The following GAN variants were observed in gnomAD, a reference collection of about 807,000 sequenced individuals.
GAN encodes epididymis secretory sperm binding protein.
Under a neutral mutation model 71.3 loss-of-function variants are expected in GAN, and 48 were observed. The observed-to-expected ratio is 0.67, with a 90% CI of 0.53 to 0.86. The LOEUF is 0.86. Among genes scored for constraint, GAN ranks in the 40% least tolerant of loss-of-function variants. The probability of loss-of-function intolerance (pLI) is 0.00; values close to 1 mark genes in which losing one functional copy is unlikely to be tolerated. For missense variants in GAN, 928 were observed against 770.1 expected, an observed-to-expected ratio of 1.21 and a Z score of -2.43; for synonymous variants, 386 against 276.8, an observed-to-expected ratio of 1.39 and a Z score of -3.92.
At position 81,357,007 on chromosome 16, in the gene GAN, G is replaced by A; in HGVS notation, c.851+5G>A. 1 of 1,549,282 alleles carries A rather than the reference G, an allele frequency of 6.5e-7. No homozygotes were observed. Among genetic ancestry groups the A allele is most frequent in the Non-Finnish European group, 8.9e-7 (1 of 1,122,112 alleles). Reference sequence around the variant, plus strand: ...TGTTGGTGGAGAAGAGAGAGTGTAAGTATGAGGTGGGACTTGTTTGAAAAG... The same window carrying A: ...TGTTGGTGGAGAAGAGAGAGTGTAAATATGAGGTGGGACTTGTTTGAAAAG... On this transcript the variant is annotated splice_donor_5th_base_variant and intron_variant, in intron 4 of 10. Transcript: ENST00000648994.
chr16:81,348,039 G>A (rs1329067799), intron 1 of GAN, among the ~76,000 whole-genome samples: 1 of 151,992 alleles, frequency 6.6e-6, no homozygotes, highest in African/African-American at 2.4e-5. Flanking sequence ...AAAAAATAGA[G>A]GTGGGGTGTC....
In GAN at chr16:81,390,194, AG is replaced by A. The variant is rs1490808344; in HGVS notation, c.*12600del. 3 of 152,234 alleles carry A rather than the reference AG, an allele frequency of 2.0e-5. No individual in the cohort carries two copies. The highest frequency in any genetic ancestry group is 4.4e-5 in the Non-Finnish European group (3 of 68,028). The allele number at this position is 152,234 out of a possible 1,614,324, so 9.4% of individuals were successfully genotyped here. On this transcript the variant is annotated 3_prime_UTR_variant, in exon 11 of 11. Transcript: ENST00000648994. Reference sequence around the variant, plus strand: ...AGTTCAAAATATTGGAAGTGCTAGAAGGCTGCAACTTGTAAAATTGTACTCC... The same window carrying A: ...AGTTCAAAATATTGGAAGTGCTAGAAGCTGCAACTTGTAAAATTGTACTCC...
intron 1 of GAN, among the ~76,000 whole-genome samples, chr16:81,335,746 CAAAAAA>C (rs55948723): frequency 7.7e-5 from 8 of 103,442 alleles, no homozygotes; most frequent in Admixed American, 3.3e-4. Context: ...GACTCAGTCT[CAAAAAA>C]AAAAAAAAAA....
At chr16:81,348,516 A>G (rs979822145) in intron 1 of GAN, among the ~76,000 whole-genome samples, 5 of 152,218 alleles carry the variant, frequency 3.3e-5, no homozygotes, top group African/African-American at 1.2e-4. Flanking sequence ...AATGTGCCAA[A>G]AAAACATGTT....
rs1247608201 is a variant in GAN, at chr16:81,384,956, C to T, written c.*7360C>T. The T allele has an allele frequency of 6.5e-6, 1 of 154,272 alleles. No homozygotes were observed. Among genetic ancestry groups the T allele is most frequent in the Non-Finnish European group, 1.5e-5 (1 of 68,200 alleles). 9.6% of individuals were successfully genotyped at this position (154,272 alleles called of 1,614,324 possible). ...CCCAGTTTCAGGGCACAGTTGTACA[C>T]ATTCTACTTAAATGGAGGAGTTCAG... On this transcript the variant is annotated 3_prime_UTR_variant, in exon 11 of 11. Transcript: ENST00000648994.
chr16:81,367,559 T>C (rs1489552711), intron 9 of GAN, among the ~76,000 whole-genome samples: 1 of 152,124 alleles, frequency 6.6e-6, no homozygotes, highest in Non-Finnish European at 1.5e-5. Context: ...CAAATAAAAT[T>C]AATGTATATT....
intron 1 of GAN, among the ~76,000 whole-genome samples, chr16:81,346,065 C>G (rs913503011): frequency 6.6e-6 from 1 of 152,194 alleles, no homozygotes. Flanking sequence ...TCCTGAAGCT[C>G]CTCTATCTGA....
intron 7 of GAN, 23 bp from the exon 8 acceptor site, chr16:81,364,951 C>G (rs1385888133): frequency 1.2e-6 from 2 of 1,612,758 alleles, no homozygotes; most frequent in African/African-American, 2.7e-5. Flanking sequence ...TGCCTCTCCC[C>G]CACCATTGTT....
At chr16:81,341,746 T>C (rs1909949653) in intron 1 of GAN, among the ~76,000 whole-genome samples, 1 of 152,190 alleles carries the variant, frequency 6.6e-6, no homozygotes, top group African/African-American at 2.4e-5. Context: ...AATAACCAGC[T>C]AGCATCATAG....
At chr16:81,323,061 G>A (rs1314134465) in intron 1 of GAN, among the ~76,000 whole-genome samples, 2 of 152,220 alleles carry the variant, frequency 1.3e-5, no homozygotes, top group African/African-American at 4.8e-5. Flanking sequence ...GATGGAGCTG[G>A]AGGCCAGCAG....
chr16:81,315,441 C>T (rs1909000820), intron 1 of GAN, among the ~76,000 whole-genome samples, 161 bp downstream of exon 1: 1 of 151,840 alleles, frequency 6.6e-6, no homozygotes, highest in African/African-American at 2.4e-5. Flanking sequence ...CGCCGGAACC[C>T]GGCCCCGCTG....
chr16:81,326,436 G>C (rs987801583), intron 1 of GAN, among the ~76,000 whole-genome samples: 1 of 152,194 alleles, frequency 6.6e-6, no homozygotes, highest in African/African-American at 2.4e-5. Flanking sequence ...GGGAGGCTGA[G>C]GCAGGAGAAT....
In GAN at chr16:81,356,757, C is replaced by T. The variant is rs371138540; in HGVS notation, c.634-28C>T. ...GATGTGTTGCATTTTCCATTGTTTTCGCCCCATCTTTCTTCCCTCTTCTGC... is the reference window on the plus strand; with the variant it reads ...GATGTGTTGCATTTTCCATTGTTTTTGCCCCATCTTTCTTCCCTCTTCTGC... On this transcript the variant is annotated intron_variant, in intron 3 of 10. Coordinates refer to ENST00000648994, the MANE Select transcript of GAN (RefSeq NM_022041.4). The T allele has an allele frequency of 7.2e-5, 105 of 1,450,968 alleles. No homozygotes were observed. In the African/African-American group the frequency reaches 8.2e-4, roughly 11 times the overall value. The allele number at this position is 1,450,968 out of a possible 1,614,324, so 89.9% of individuals were successfully genotyped here. A position where few individuals can be genotyped will look rare whatever the true frequency, so the allele number is the denominator to read the frequency against.
At chr16:81,337,020 A>T (rs1909786520) in intron 1 of GAN, among the ~76,000 whole-genome samples, 1 of 152,134 alleles carries the variant, frequency 6.6e-6, no homozygotes, top group Admixed American at 6.5e-5. Context: ...CAAATGTGTC[A>T]TGACATGGAT....
intron 1 of GAN, among the ~76,000 whole-genome samples, chr16:81,332,932 A>AT (rs1268002985): frequency 1.3e-5 from 2 of 152,092 alleles, no homozygotes; most frequent in African/African-American, 4.8e-5. Context: ...TGATCACGTT[A>AT]TTTAAGAGGT....
intron 7 of GAN, among the ~76,000 whole-genome samples, chr16:81,364,185 T>C (rs1233064148): frequency 5.3e-5 from 8 of 152,184 alleles, no homozygotes; most frequent in Non-Finnish European, 1.2e-4. Context: ...TGTGTCAAGC[T>C]CCACATTTGA....
Position 81,380,229 on chromosome 16 carries a change from T to A in GAN, c.*2633T>A, listed in dbSNP as rs1043010486. 6.5e-6 allele frequency: 1 copy of A among 152,768 alleles called. No individual in the cohort carries two copies. The highest frequency in any genetic ancestry group is 1.9e-4 in the East Asian group (1 of 5,194). 9.5% of individuals were successfully genotyped at this position (152,768 alleles called of 1,614,324 possible). A position where few individuals can be genotyped will look rare whatever the true frequency, so the allele number is the denominator to read the frequency against. The stretch of plus-strand genomic sequence containing the variant: ...CACTTATGCCTTGAAACATCATTTC[T>A]TGATAACTTTTTGATACTTCTTTCT... On this transcript the variant is annotated 3_prime_UTR_variant, in exon 11 of 11. Coordinates refer to ENST00000648994, the MANE Select transcript of GAN (RefSeq NM_022041.4).
chr16:81,385,360 A>G lies in GAN; in HGVS notation c.*7764A>G, dbSNP rs557826013. ...TATTTTCAGGCAATCATCTTTATAT[A>G]CTTTCCTTACAAACCCAGTGGTTGA... is the stretch of plus-strand genomic sequence containing the variant. On this transcript the variant is annotated 3_prime_UTR_variant, in exon 11 of 11. Coordinates refer to ENST00000648994, the MANE Select transcript of GAN (RefSeq NM_022041.4). The G allele has an allele frequency of 4.6e-5, 7 of 152,240 alleles. No individual in the cohort carries two copies. The highest frequency in any genetic ancestry group is 1.7e-4 in the African/African-American group (7 of 41,532). The allele number at this position is 152,240 out of a possible 1,614,324, so 9.4% of individuals were successfully genotyped here.
At chr16:81,331,937 C>T (rs190386084) in intron 1 of GAN, among the ~76,000 whole-genome samples, 20 of 151,974 alleles carry the variant, frequency 1.3e-4, no homozygotes, top group Admixed American at 3.9e-4. Flanking sequence ...TCAAGGCGGG[C>T]GGATCACCTG....
Sources: gnomAD v4.1 joint callset for allele counts (sites outside exome capture counted in the v4.1 genomes callset) on GRCh38, gnomAD v4.1.1 for gene constraint, MANE v1.5 for transcripts, NCBI Gene and HGNC (gene_info 2026-07-23, HGNC 2026-07-21) for gene names.